Variants in KRT75 observed in about 807,000 individuals in gnomAD.
KRT75 encodes the protein keratin 75, also known as keratin, type II cytoskeletal 75.
A neutral mutation model predicts 48.8 loss-of-function variants in KRT75; 35 were observed. The observed-to-expected ratio is 0.72, with a 90% confidence interval of 0.55 to 0.95. The LOEUF (loss-of-function observed/expected upper bound fraction) is 0.95. Ranked by LOEUF, KRT75 falls within the 40% of genes least tolerant of loss-of-function variation. The probability of loss-of-function intolerance (pLI) is 0.00; values close to 1 mark genes in which losing one functional copy is unlikely to be tolerated. For synonymous variants in KRT75, 301 were observed against 282.3 expected (o/e 1.07, Z -0.66); for missense variants, 776 against 709.9 (o/e 1.09, Z -1.06).
intron 5 of KRT75, 150 bp from the exon 6 acceptor site, chr12:52,428,893 A>T: frequency 3.3e-6 from 3 of 920,252 alleles, no homozygotes; most frequent in Non-Finnish European, 5.3e-6. Flanking sequence ...TTATTGGGGG[A>T]CATAGACATT....
intron 8 of KRT75, among the ~76,000 whole-genome samples, chr12:52,425,695 C>T (rs547305689): frequency 6.6e-6 from 1 of 152,322 alleles, no homozygotes; most frequent in East Asian, 1.9e-4. Flanking sequence ...CTCCGTGTTC[C>T]AGAACACTAT....
At chr12:52,429,802 G>A (rs1018514722) in intron 5 of KRT75, among the ~76,000 whole-genome samples, 6 of 152,194 alleles carry the variant, frequency 3.9e-5, no homozygotes, top group Admixed American at 6.5e-5. Flanking sequence ...GAACCTGCTC[G>A]TAGGTGAGAA....
At chr12:52,428,199 A>G in intron 7 of KRT75, 57 bp downstream of exon 7, 1 of 1,605,308 alleles carries the variant, frequency 6.2e-7, no homozygotes, top group Non-Finnish European at 8.5e-7. Flanking sequence ...AGGAATGCCC[A>G]GGAAGCTGAG....
Position 52,428,723 on chromosome 12 carries a change from G to A in KRT75, c.1056C>T (p.Thr352=), listed in dbSNP as rs112405377. 47 of 1,613,962 alleles carry A rather than the reference G, an allele frequency of 2.9e-5. No individual in the cohort carries two copies. The highest frequency in any genetic ancestry group is 1.2e-4 in the South Asian group (11 of 91,074). ...YQTKYEELQV[T]AGRHGDDLRN... ...GAAGGTCATCCCCATGTCTGCCTGC[G>A]GTGACCTGCAGCTCCTCGTACTGAG... Residue 352 remains threonine, a synonymous_variant, in exon 6 of 9, where the codon ACC becomes ACT. Transcript: ENST00000252245.
chr12:52,427,790 G>A (rs192251792), intron 7 of KRT75, among the ~76,000 whole-genome samples: 1 of 152,308 alleles, frequency 6.6e-6, no homozygotes, highest in African/African-American at 2.4e-5. Context: ...CTAACTGGCA[G>A]AGCACAAAGC....
At chr12:52,426,926 T>A in intron 7 of KRT75, 75 bp from the exon 8 acceptor site, 1 of 1,234,246 alleles carries the variant, frequency 8.1e-7, no homozygotes, top group Non-Finnish European at 1.2e-6. Flanking sequence ...ATGACACTTT[T>A]GTAATTGTTG....
chr12:52,424,681 C>A lies in KRT75; in HGVS notation c.1492G>T (p.Gly498Trp). ...SIGGGNLGLG[G>W]GSGYSFTTSG... ...GTGGTGAAGGAGTAGCCGCTGCCCCCACCGAGGCCCAGGTTTCCACCTCCA... is the reference window on the plus strand; with the variant it reads ...GTGGTGAAGGAGTAGCCGCTGCCCCAACCGAGGCCCAGGTTTCCACCTCCA... Residue 498 changes from glycine to tryptophan, a missense_variant, in exon 9 of 9, where the codon GGG becomes TGG. Coordinates refer to ENST00000252245, the MANE Select transcript of KRT75 (RefSeq NM_004693.3). The A allele has an allele frequency of 6.2e-7, 1 of 1,614,194 alleles. No homozygotes were observed. Among genetic ancestry groups the A allele is most frequent in the South Asian group, 1.1e-5 (1 of 91,078 alleles).
In KRT75 at chr12:52,428,358, A is replaced by G. The variant is rs2232405; in HGVS notation, c.1280T>C (p.Met427Thr). ...CTGGTACTCACGCAGGAGCCGAGCC[A>G]TGTCCTGCTTGGCCTTCTGCAGGGC... ...EEALQKAKQD[M>T]ARLLREYQEL... The change falls in exon 7 of 9, where the codon ATG becomes ACG. Residue 427 changes from methionine to threonine, a missense_variant. By Grantham distance (81) the Met-to-Thr change is moderately conservative. Transcript: ENST00000252245. 0.014 allele frequency: 22,058 copies of G among 1,614,042 alleles called. 906 individuals are homozygous for G. The highest frequency in any genetic ancestry group is 0.091 in the African/African-American group (6,799 of 74,984).
At chr12:52,424,792 C>G in intron 8 of KRT75, 37 bp from the exon 9 acceptor site, 1 of 1,522,312 alleles carries the variant, frequency 6.6e-7, no homozygotes, top group East Asian at 2.3e-5. Context: ...AGATCAAGTG[C>G]AAGCGAGAAG....
At chr12:52,433,684 C>A in intron 1 of KRT75, 123 bp downstream of exon 1, 1 of 1,456,420 alleles carries the variant, frequency 6.9e-7, no homozygotes. Context: ...CCTGGGAGCC[C>A]GTGCTGAACA....
rs926842878 is a variant in KRT75 at position 52,433,087 on chromosome 12, C to CA, written c.663dup (p.Glu222Ter). ...TCCTGCATGTTCCTCAGTTCAGCTTCAAGCCTGCCCCTCTCGGTGGTGATG... is the reference window on the plus strand; with the variant it reads ...TCCTGCATGTTCCTCAGTTCAGCTTCAAAGCCTGCCCCTCTCGGTGGTGATG... On this transcript the variant is annotated frameshift_variant, in exon 2 of 9. Transcript: ENST00000252245. LOFTEE classifies it high-confidence loss of function. 1 of 1,614,018 alleles carries CA rather than the reference C, an allele frequency of 6.2e-7. No homozygotes were observed. Among genetic ancestry groups the CA allele is most frequent in the African/African-American group, 1.3e-5 (1 of 74,970 alleles).
At chr12:52,425,286 C>T (rs1565790664) in intron 8 of KRT75, among the ~76,000 whole-genome samples, 1 of 152,216 alleles carries the variant, frequency 6.6e-6, no homozygotes, top group East Asian at 1.9e-4. Flanking sequence ...TATAACTCAT[C>T]CCCTTACACA....
At chr12:52,428,205 C>G in intron 7 of KRT75, 51 bp downstream of exon 7, 1 of 1,607,426 alleles carries the variant, frequency 6.2e-7, no homozygotes, top group Non-Finnish European at 8.5e-7. Flanking sequence ...GCCCAGGAAG[C>G]TGAGGTGAGC....
intron 7 of KRT75, among the ~76,000 whole-genome samples, chr12:52,427,348 C>G (rs1229775481): frequency 6.6e-6 from 1 of 152,216 alleles, no homozygotes; most frequent in Non-Finnish European, 1.5e-5. Context: ...ATCTTCAGGA[C>G]AGAACTGGCA....
rs377007728 is a variant in KRT75 at position 52,424,489 on chromosome 12, G to A, written c.*28C>T. The stretch of plus-strand genomic sequence containing the variant: ...GGTGTGACTGCAAACAGGCCTCAAG[G>A]CAGGGTAGAGGGAGCCATGGGGCTC... On this transcript the variant is annotated 3_prime_UTR_variant, in exon 9 of 9. Transcript: ENST00000252245. The A allele has an allele frequency of 6.3e-6, 10 of 1,595,094 alleles. No individual in the cohort carries two copies. In the African/African-American group the frequency reaches 9.4e-5, roughly 15 times the overall value.
intron 5 of KRT75, 98 bp downstream of exon 5, chr12:52,430,443 G>C (rs769807356): frequency 1.6e-6 from 2 of 1,274,874 alleles, no homozygotes; most frequent in Non-Finnish European, 2.3e-6. Flanking sequence ...TGAAATAAAC[G>C]AATGTGCTCA....
intron 5 of KRT75, among the ~76,000 whole-genome samples, 156 bp downstream of exon 5, chr12:52,430,382 ACAT>A (rs1353816085): frequency 9.5e-4 from 144 of 152,240 alleles, no homozygotes; most frequent in African/African-American, 3.4e-3. Context: ...TTCGGTTTCC[ACAT>A]GCATTTCAAG....
At position 52,434,047 on chromosome 12, in the gene KRT75, G is replaced by A; in HGVS notation, c.258C>T (p.Gly86=). The A allele has an allele frequency of 6.2e-7, 1 of 1,614,130 alleles. No homozygotes were observed. The highest frequency in any genetic ancestry group is 8.5e-7 in the Non-Finnish European group (1 of 1,180,018). Residue 86 remains glycine, a synonymous_variant, in exon 1 of 9, where the codon GGC becomes GGT. Transcript: ENST00000252245. ...TGACTCCAAACCTGTTGCTGGCCCT[G>A]CCACCAAAGCCACTTCGGCAGCTGC... ...CGSSCRSGFG[G]RASNRFGVNS... is the part of the protein sequence containing the mutation.
rs1426678055 is a variant in KRT75, at chr12:52,428,289, G to A, written c.1349C>T (p.Thr450Ile). ...CTCGCCTTCCAGCAGCTTGCGGTAGGTGGCGATCTCCACGTCCAGGGCCAG... is the reference window on the plus strand; with the variant it reads ...CTCGCCTTCCAGCAGCTTGCGGTAGATGGCGATCTCCACGTCCAGGGCCAG... ...IKLALDVEIA[T>I]YRKLLEGEEC... The change falls in exon 7 of 9, where the codon ACC (threonine) becomes ATC (isoleucine). Residue 450 changes from threonine (T) to isoleucine (I), a missense_variant. By Grantham distance (89) the Thr-to-Ile change is moderately conservative (BLOSUM62 -1). Transcript: ENST00000252245. 1.9e-6 allele frequency: 3 copies of A among 1,614,066 alleles called. No homozygotes were observed. The highest frequency in any genetic ancestry group is 2.7e-5 in the African/African-American group (2 of 75,008).
Sources: gnomAD v4.1 joint callset for allele counts (sites outside exome capture counted in the v4.1 genomes callset) on GRCh38, gnomAD v4.1.1 for gene constraint, MANE v1.5 for transcripts, NCBI Gene and HGNC (gene_info 2026-07-23, HGNC 2026-07-21) for gene names.